Variants in TBC1D31 observed in about 807,000 individuals in gnomAD.
TBC1D31 encodes TBC1 domain family member 31, also known as WD repeat domain 67.
TBC1D31 carries 99 observed loss-of-function variants against 132.9 expected under a neutral mutation model. The ratio of observed to expected loss-of-function variants is 0.74; its 90% CI spans 0.63 to 0.88. The LOEUF (loss-of-function observed/expected upper bound fraction) is 0.88. Among genes scored for constraint, TBC1D31 ranks in the 40% least tolerant of loss-of-function variants. The pLI, the probability that TBC1D31 is intolerant of heterozygous loss-of-function variation, is 0.00. For synonymous variants in TBC1D31, 385 were observed against 419.4 expected (o/e 0.92, Z 1.00); for missense variants, 1,134 against 1,256.6 (o/e 0.90, Z 1.48).
At chr8:123,078,850 C>CA (rs397720264) in intron 2 of TBC1D31, among the ~76,000 whole-genome samples, 3 of 151,844 alleles carry the variant, frequency 2.0e-5, no homozygotes, top group African/African-American at 4.8e-5. Flanking sequence ...AGTACCCCCC[C>CA]ACAAAATACT....
intron 13 of TBC1D31, among the ~76,000 whole-genome samples, chr8:123,127,284 T>C (rs1417086120): frequency 1.4e-5 from 2 of 142,364 alleles, no homozygotes; most frequent in Admixed American, 1.4e-4. Context: ...TTTTTTTTTT[T>C]TTTGGAGACA....
At chr8:123,112,818 A>T (rs1403703739) in intron 10 of TBC1D31, among the ~76,000 whole-genome samples, 1 of 152,180 alleles carries the variant, frequency 6.6e-6, no homozygotes, top group Non-Finnish European at 1.5e-5. Context: ...TTAAGAGATG[A>T]CTTAGAGATG....
downstream of TBC1D31, among the ~76,000 whole-genome samples, chr8:123,153,109 G>A (rs143634330): frequency 5.3e-5 from 8 of 152,156 alleles, no homozygotes; most frequent in East Asian, 9.6e-4. Flanking sequence ...TTTTCCATAC[G>A]TTTTTAGGTG....
intron 19 of TBC1D31, among the ~76,000 whole-genome samples, chr8:123,144,275 T>C (rs1821972251): frequency 2.6e-5 from 4 of 152,312 alleles, no homozygotes; most frequent in Admixed American, 2.6e-4. Context: ...TAGAAATCAC[T>C]TGACTTCCCT....
intron 1 of TBC1D31, chr8:123,073,102 G>C: frequency 1.8e-6 from 1 of 561,940 alleles, no homozygotes; most frequent in Non-Finnish European, 3.2e-6. Context: ...CTGGGAACTT[G>C]CGGCTTTTGC....
At chr8:123,160,308 G>C in the TBC1D31 span, among the ~76,000 whole-genome samples, 3 of 152,096 alleles carry the variant, frequency 2.0e-5, no homozygotes, top group South Asian at 2.1e-4. Context: ...GTATACCTTT[G>C]AACAGGTTTT....
rs755665590 is a variant in TBC1D31 at position 123,142,389 on chromosome 8, T to G, written c.2768T>G (p.Leu923Arg). The G allele has an allele frequency of 9.1e-5, 147 of 1,607,390 alleles. No homozygotes were observed. The highest frequency in any genetic ancestry group is 1.2e-4 in the Non-Finnish European group (140 of 1,177,546). Residue 923 changes from leucine to arginine, a missense_variant, in exon 19 of 22, where the codon CTC becomes CGC. By Grantham distance (102) the Leu-to-Arg change is moderately radical. Coordinates refer to ENST00000287380, the MANE Select transcript of TBC1D31 (RefSeq NM_145647.4). ...AAATGTTACCAGGAAGTAGCCAAACTCCTTAGGGAAAACAGAAGGAAAGAA... is the reference window on the plus strand; with the variant it reads ...AAATGTTACCAGGAAGTAGCCAAACGCCTTAGGGAAAACAGAAGGAAAGAA... ...RNKCYQEVAKLLRENRRKEIE... is the reference protein window; with the variant it reads ...RNKCYQEVAKRLRENRRKEIE...
intron 10 of TBC1D31, among the ~76,000 whole-genome samples, chr8:123,112,140 A>AT (rs1818506552): frequency 6.6e-6 from 1 of 152,174 alleles, no homozygotes; most frequent in Middle Eastern, 3.2e-3. Flanking sequence ...ATGTATTGGT[A>AT]TTACAGGTGT....
chr8:123,074,123 C>G (rs1163799526), intron 1 of TBC1D31, among the ~76,000 whole-genome samples: 1 of 151,868 alleles, frequency 6.6e-6, no homozygotes, highest in Admixed American at 6.6e-5. Flanking sequence ...CCTCCGCCTC[C>G]CGGGTTCAAG....
chr8:123,149,917 G>C, intron 20 of TBC1D31, 119 bp from the exon 21 acceptor site: 1 of 609,040 alleles, frequency 1.6e-6, no homozygotes, highest in Non-Finnish European at 2.9e-6. Context: ...TCTTAAAATA[G>C]AAAAGAAAGG....
At chr8:123,133,116 GC>G (rs1381407532) in intron 16 of TBC1D31, among the ~76,000 whole-genome samples, 1 of 152,244 alleles carries the variant, frequency 6.6e-6, no homozygotes, top group African/African-American at 2.4e-5. Context: ...AGGAAAGGCT[GC>G]TTGAATCTGA....
In TBC1D31 at chr8:123,117,168, C is replaced by A. The variant is rs572222909; in HGVS notation, c.1437-2887C>A. On this transcript the variant is annotated intron_variant, in intron 10 of 21. Coordinates refer to ENST00000287380, the MANE Select transcript of TBC1D31 (RefSeq NM_145647.4). ...TATCTCTATTAAAAATGCAAAAATT[C>A]GCTGGGCATGGTGGCATGCACCTGT... Among the ~76,000 whole-genome samples the A allele has an allele frequency of 1.1e-4, 17 of 151,776 alleles. 1 individual carries two copies. In the South Asian group the frequency reaches 2.7e-3, roughly 24 times the overall value.
At chr8:123,161,626 AAC>A in the TBC1D31 span, among the ~76,000 whole-genome samples, 1 of 152,224 alleles carries the variant, frequency 6.6e-6, no homozygotes, top group East Asian at 1.9e-4. Flanking sequence ...TTGATATCAA[AAC>A]AGTTTCATTA....
chr8:123,156,781 CAATGCTGCCTACCCATCCCG>C (rs1823000744), downstream of TBC1D31, among the ~76,000 whole-genome samples: 1 of 152,222 alleles, frequency 6.6e-6, no homozygotes, highest in East Asian at 1.9e-4. Context: ...CCTCTCTCAT[CAATGCTGCCTACCCATCCCG>C]CAGCTCCCTC....
the TBC1D31 span, among the ~76,000 whole-genome samples, chr8:123,162,836 T>C: frequency 6.6e-6 from 1 of 151,034 alleles, no homozygotes; most frequent in African/African-American, 2.4e-5. Flanking sequence ...TTTTCCTTTT[T>C]CTTTTCTTTT....
At chr8:123,150,177 A>G in intron 21 of TBC1D31, 49 bp downstream of exon 21, 1 of 1,429,242 alleles carries the variant, frequency 7.0e-7, no homozygotes, top group Non-Finnish European at 9.9e-7. Context: ...AAATTTCACA[A>G]TATTTAAGCA....
At chr8:123,078,097 C>G (rs374540927) in intron 2 of TBC1D31, among the ~76,000 whole-genome samples, 128 of 152,254 alleles carry the variant, frequency 8.4e-4, no homozygotes, top group African/African-American at 3.0e-3. Flanking sequence ...CTTCTCTTCC[C>G]TTGTGAAACA....
chr8:123,087,051 A>G (rs1815838615), intron 4 of TBC1D31, among the ~76,000 whole-genome samples: 1 of 152,166 alleles, frequency 6.6e-6, no homozygotes, highest in African/African-American at 2.4e-5. Context: ...TTGGTGTTCA[A>G]AATGTTAGAA....
intron 11 of TBC1D31, among the ~76,000 whole-genome samples, chr8:123,121,558 A>G (rs1043619067): frequency 6.6e-6 from 1 of 151,990 alleles, no homozygotes; most frequent in East Asian, 1.9e-4. Flanking sequence ...AGTTCACACG[A>G]GATCTAGTTG....
Sources: gnomAD v4.1 joint callset for allele counts (sites outside exome capture counted in the v4.1 genomes callset) on GRCh38, gnomAD v4.1.1 for gene constraint, MANE v1.5 for transcripts, NCBI Gene and HGNC (gene_info 2026-07-23, HGNC 2026-07-21) for gene names.